C4BPA: variants seen among roughly 807,000 people sequenced by gnomAD.
C4BPA encodes the protein C4b-binding protein alpha chain.
A neutral mutation model predicts 63.7 loss-of-function variants in C4BPA; 31 were observed. The observed-to-expected ratio is 0.49, with a 90% CI of 0.37 to 0.66. The LOEUF is 0.66. Among genes scored for constraint, C4BPA ranks in the 30% least tolerant of loss-of-function variants. C4BPA has a pLI of 0.00. For synonymous variants in C4BPA, 259 were observed against 254.7 expected, an observed-to-expected ratio of 1.02 and a Z score of -0.16; for missense variants, 572 against 723.3, an observed-to-expected ratio of 0.79 and a Z score of 2.40.
rs757122192 is a variant in C4BPA, at chr1:207,106,441, GTTT to G, written c.-26+2025_-26+2027del. Among the ~76,000 whole-genome samples the G allele has an allele frequency of 1.2e-4, 14 of 118,434 alleles. 1 individual carries two copies. The highest frequency in any genetic ancestry group is 4.8e-4 in the African/African-American group (13 of 27,036). 77.7% of individuals were successfully genotyped at this position (118,434 alleles called of 152,430 possible). A position where few individuals can be genotyped will look rare whatever the true frequency, so the allele number is the denominator to read the frequency against. ...CTGTCTTATTCCTTCCTCCGTGTAAGTTTTTTTTTTTTTTTTGAAACGGAGTCT... is the reference window on the plus strand; with the variant it reads ...CTGTCTTATTCCTTCCTCCGTGTAAGTTTTTTTTTTTTTGAAACGGAGTCT... On this transcript the variant is annotated intron_variant, in intron 1 of 11. Coordinates refer to ENST00000367070, the MANE Select transcript of C4BPA (RefSeq NM_000715.4).
intron 10 of C4BPA, among the ~76,000 whole-genome samples, chr1:207,142,542 A>T (rs1558099143): frequency 6.6e-6 from 1 of 152,146 alleles, no homozygotes; most frequent in Non-Finnish European, 1.5e-5. Context: ...CCAACAGTGT[A>T]AAAGCATTCC....
chr1:207,129,554 A>C, intron 7 of C4BPA, among the ~76,000 whole-genome samples: 1 of 152,146 alleles, frequency 6.6e-6, no homozygotes, highest in South Asian at 2.1e-4. Flanking sequence ...CCAAGAATGA[A>C]GAGAAAATCT....
chr1:207,143,812 T>C lies in C4BPA; in HGVS notation c.1445-6T>C. The C allele has an allele frequency of 1.2e-6, 2 of 1,603,990 alleles. No individual in the cohort carries two copies. The highest frequency in any genetic ancestry group is 1.3e-5 in the African/African-American group (1 of 74,822). On this transcript the variant is annotated splice_polypyrimidine_tract_variant and splice_region_variant and intron_variant, in intron 10 of 11. Transcript: ENST00000367070. The stretch of plus-strand genomic sequence containing the variant: ...CAGATTTCTTAAAAATATGTTTCCA[T>C]TACAGCTCTGTGTCGGAAACCAGAA...
chr1:207,115,450 T>C lies in C4BPA; in HGVS notation c.363T>C (p.Asn121=), dbSNP rs1684764060. Residue 121 remains asparagine, a synonymous_variant, in exon 4 of 12, where the codon AAT becomes AAC. Coordinates refer to ENST00000367070, the MANE Select transcript of C4BPA (RefSeq NM_000715.4). ...KRCRHPGELR[N]GQVEIKTDLS... ...GCAGACACCCAGGAGAGTTACGTAATGGGCAAGTAGAGATTAAGACAGATT... is the reference window on the plus strand; with the variant it reads ...GCAGACACCCAGGAGAGTTACGTAACGGGCAAGTAGAGATTAAGACAGATT... 6 of 1,600,180 alleles carry C rather than the reference T, an allele frequency of 3.7e-6. No homozygotes were observed. The highest frequency in any genetic ancestry group is 1.4e-5 in the African/African-American group (1 of 73,910).
intron 10 of C4BPA, among the ~76,000 whole-genome samples, 182 bp downstream of exon 10, chr1:207,141,458 A>C (rs1308592798): frequency 6.6e-6 from 1 of 152,092 alleles, no homozygotes; most frequent in Non-Finnish European, 1.5e-5. Flanking sequence ...ACAAACATTA[A>C]TCTCCTCCAT....
At chr1:207,126,332 AAG>A in intron 6 of C4BPA, among the ~76,000 whole-genome samples, 1 of 148,070 alleles carries the variant, frequency 6.8e-6, no homozygotes, top group Non-Finnish European at 1.5e-5. Flanking sequence ...TATATTCTAT[AAG>A]ACTATATTAT....
intron 4 of C4BPA, among the ~76,000 whole-genome samples, chr1:207,123,235 A>G (rs1055287472): frequency 6.6e-6 from 1 of 152,186 alleles, no homozygotes; most frequent in South Asian, 2.1e-4. Flanking sequence ...TAGTTGAGAT[A>G]TATTTTCTTG....
chr1:207,124,513 T>C, intron 6 of C4BPA, 147 bp downstream of exon 6: 1 of 647,074 alleles, frequency 1.5e-6, no homozygotes, highest in Non-Finnish European at 2.6e-6. Flanking sequence ...GGCCACCTGA[T>C]ACTTATTGCA....
intron 4 of C4BPA, among the ~76,000 whole-genome samples, chr1:207,120,632 A>C (rs942185691): frequency 9.2e-5 from 14 of 152,192 alleles, no homozygotes; most frequent in African/African-American, 3.4e-4. Flanking sequence ...CAGAAAATAA[A>C]AGAAATAAAA....
At chr1:207,125,109 T>G (rs1685008905) in intron 6 of C4BPA, among the ~76,000 whole-genome samples, 1 of 152,188 alleles carries the variant, frequency 6.6e-6, no homozygotes, top group African/African-American at 2.4e-5. Context: ...ACAGTATTGC[T>G]TACTAACCCA....
chr1:207,105,841 T>G (rs1174021038), intron 1 of C4BPA, among the ~76,000 whole-genome samples: 3 of 152,206 alleles, frequency 2.0e-5, no homozygotes, highest in African/African-American at 7.2e-5. Context: ...TGCACTGCAT[T>G]GCTAAGTGCT....
At chr1:207,122,853 A>T (rs7552030) in intron 4 of C4BPA, among the ~76,000 whole-genome samples, 88,304 of 151,690 alleles carry the variant, frequency 0.58, 26,999 homozygotes, top group East Asian at 0.73. Context: ...GTATTACAGG[A>T]GTAAGCCACC....
intron 1 of C4BPA, among the ~76,000 whole-genome samples, chr1:207,107,965 G>T (rs1408619336): frequency 6.6e-6 from 1 of 152,112 alleles, no homozygotes; most frequent in African/African-American, 2.4e-5. Flanking sequence ...TGGGAGGCTG[G>T]GTGGAGATTG....
intron 9 of C4BPA, among the ~76,000 whole-genome samples, chr1:207,136,887 G>A (rs962492154): frequency 6.6e-6 from 1 of 152,142 alleles, no homozygotes; most frequent in Non-Finnish European, 1.5e-5. Flanking sequence ...CTGGGAATTA[G>A]GGGCTGCAGT....
At chr1:207,143,381 T>G (rs535640760) in intron 10 of C4BPA, among the ~76,000 whole-genome samples, 1 of 152,142 alleles carries the variant, frequency 6.6e-6, no homozygotes, top group African/African-American at 2.4e-5. Flanking sequence ...AAATACCTAA[T>G]GTAGATGATG....
chr1:207,139,017 T>A (rs1174503979), intron 9 of C4BPA, among the ~76,000 whole-genome samples: 1 of 152,212 alleles, frequency 6.6e-6, no homozygotes, highest in African/African-American at 2.4e-5. Context: ...TGTCATGTTC[T>A]GTGGATATCC....
chr1:207,124,091 A>G, intron 5 of C4BPA, 84 bp downstream of exon 5: 2 of 1,489,498 alleles, frequency 1.3e-6, no homozygotes, highest in Non-Finnish European at 1.9e-6. Flanking sequence ...AGGTATGTGT[A>G]CCTTCCATTA....
At chr1:207,118,109 TTATC>T (rs5780373) in intron 4 of C4BPA, among the ~76,000 whole-genome samples, 88,302 of 151,556 alleles carry the variant, frequency 0.58, 27,056 homozygotes, top group East Asian at 0.73. Context: ...TGTAACTAGT[TTATC>T]TATCATCTAT....
At chr1:207,131,381 G>A (rs1023404474) in intron 7 of C4BPA, among the ~76,000 whole-genome samples, 165 bp from the exon 8 acceptor site, 3 of 152,218 alleles carry the variant, frequency 2.0e-5, no homozygotes, top group Non-Finnish European at 4.4e-5. Context: ...ACATTTGAGC[G>A]AATGTCCATG....
Sources: gnomAD v4.1 joint callset for allele counts (sites outside exome capture counted in the v4.1 genomes callset) on GRCh38, gnomAD v4.1.1 for gene constraint, MANE v1.5 for transcripts, NCBI Gene and HGNC (gene_info 2026-07-23, HGNC 2026-07-21) for gene names.